Variants in SLC67A2 observed in about 807,000 individuals in gnomAD.
SLC67A2 encodes solute carrier family 67 member 2.
the SLC67A2 span, chr2:102,715,795 C>A: frequency 2.0e-5 from 3 of 152,110 alleles, no homozygotes; most frequent in Admixed American, 6.6e-5. Context: ...CTGGAAAGGG[C>A]TACAGAAGTT....
the SLC67A2 span, chr2:102,731,109 T>TATC: frequency 6.3e-7 from 1 of 1,578,476 alleles, no homozygotes; most frequent in South Asian, 1.1e-5. Flanking sequence ...CAGCTAGAGC[T>TATC]ATCACAAAAA....
chr2:102,719,414 T>C, the SLC67A2 span, among the ~76,000 whole-genome samples: 1 of 152,086 alleles, frequency 6.6e-6, no homozygotes, highest in East Asian at 1.9e-4. Context: ...TCTTTGCCTT[T>C]AAAAAAGAAC....
the SLC67A2 span, among the ~76,000 whole-genome samples, chr2:102,715,195 T>C: frequency 1.2e-4 from 18 of 152,168 alleles, no homozygotes; most frequent in African/African-American, 4.3e-4. Flanking sequence ...TAGAGAGCTC[T>C]TTCTAAAACA....
the SLC67A2 span, chr2:102,731,021 T>C: frequency 1.9e-6 from 3 of 1,613,616 alleles, no homozygotes; most frequent in Non-Finnish European, 1.7e-6. Flanking sequence ...TGATCATAAC[T>C]TACCACCAAT....
the SLC67A2 span, among the ~76,000 whole-genome samples, chr2:102,734,070 G>C: frequency 3.3e-5 from 5 of 152,120 alleles, no homozygotes; most frequent in Non-Finnish European, 5.9e-5. Flanking sequence ...GCTGCATTTG[G>C]CATCTGGTCA....
At chr2:102,736,739 C>G in the SLC67A2 span, 1 of 1,613,914 alleles carries the variant, frequency 6.2e-7, no homozygotes, top group Non-Finnish European at 8.5e-7. Flanking sequence ...TCTTCTGCTC[C>G]TGTTTCCGCT....
chr2:102,736,106 T>C, the SLC67A2 span, among the ~76,000 whole-genome samples: 2 of 152,126 alleles, frequency 1.3e-5, no homozygotes, highest in African/African-American at 4.8e-5. Flanking sequence ...CAATGCGCAG[T>C]TTGTCGAAAG....
the SLC67A2 span, chr2:102,718,987 C>T: frequency 6.2e-7 from 1 of 1,614,232 alleles, no homozygotes; most frequent in East Asian, 2.2e-5. Flanking sequence ...GAAATATGTC[C>T]CACATTTCGG....
At chr2:102,723,757 CTAAT>C in the SLC67A2 span, 1 of 1,614,178 alleles carries the variant, frequency 6.2e-7, no homozygotes, top group Non-Finnish European at 8.5e-7. Context: ...AACCCATCCT[CTAAT>C]TCAGTGAGAT....
At chr2:102,721,773 C>T in the SLC67A2 span, among the ~76,000 whole-genome samples, 23 of 152,112 alleles carry the variant, frequency 1.5e-4, no homozygotes, top group African/African-American at 4.1e-4. Context: ...GGTGTGATCA[C>T]GGCTCACTGT....
At chr2:102,719,099 T>G in the SLC67A2 span, 1 of 1,614,264 alleles carries the variant, frequency 6.2e-7, no homozygotes, top group Non-Finnish European at 8.5e-7. Flanking sequence ...GGCTGCCTCC[T>G]GCACTGTGTC....
chr2:102,731,222 AAAAATGGAAGTAATACAATTTCTAAC>A, the SLC67A2 span, among the ~76,000 whole-genome samples: 17 of 152,160 alleles, frequency 1.1e-4, no homozygotes, highest in African/African-American at 3.1e-4. Flanking sequence ...TTCTACTTGG[AAAAATGGAAGTAATACAATTTCTAAC>A]AAAATGGAAG....
the SLC67A2 span, among the ~76,000 whole-genome samples, chr2:102,733,033 G>A: frequency 6.6e-6 from 1 of 152,210 alleles, no homozygotes; most frequent in Non-Finnish European, 1.5e-5. Flanking sequence ...GGGTAGAACA[G>A]TAATACCTGC....
At chr2:102,728,448 G>A in the SLC67A2 span, among the ~76,000 whole-genome samples, 25 of 152,032 alleles carry the variant, frequency 1.6e-4, no homozygotes, top group African/African-American at 5.8e-4. Flanking sequence ...CATTTTTATT[G>A]ATATGTTTAT....
the SLC67A2 span, chr2:102,736,713 T>C: frequency 6.2e-7 from 1 of 1,613,682 alleles, no homozygotes; most frequent in Non-Finnish European, 8.5e-7. Context: ...GTCGGCAGCC[T>C]CCGCCTCGGT....
the SLC67A2 span, among the ~76,000 whole-genome samples, chr2:102,733,288 T>C: frequency 1.0e-3 from 154 of 152,314 alleles, 1 homozygote; most frequent in African/African-American, 3.4e-3. Context: ...ACAGTTTTCA[T>C]TATATTCGAC....
chr2:102,727,340 T>A, the SLC67A2 span, among the ~76,000 whole-genome samples: 1 of 152,162 alleles, frequency 6.6e-6, no homozygotes, highest in Admixed American at 6.5e-5. Flanking sequence ...TTTTAAAAAA[T>A]TTAGAAAATA....
the SLC67A2 span, chr2:102,736,671 A>G: frequency 1.2e-6 from 2 of 1,613,800 alleles, no homozygotes; most frequent in Non-Finnish European, 1.7e-6. Context: ...GTAGAGACAG[A>G]GCAGGAAGCG....
the SLC67A2 span, chr2:102,717,359 A>C: frequency 2.6e-5 from 4 of 152,226 alleles, no homozygotes; most frequent in Non-Finnish European, 4.4e-5. Flanking sequence ...CACAAGACAC[A>C]GTAGCATCAA....
Sources: gnomAD v4.1 joint callset for allele counts (sites outside exome capture counted in the v4.1 genomes callset) on GRCh38, gnomAD v4.1.1 for gene constraint, MANE v1.5 for transcripts, NCBI Gene and HGNC (gene_info 2026-07-23, HGNC 2026-07-21) for gene names.